RBM25: variants seen among roughly 807,000 people sequenced by gnomAD.
RBM25 encodes RNA-binding protein 25.
A neutral mutation model predicts 120.7 loss-of-function variants in RBM25; 19 were observed. The observed-to-expected ratio is 0.16, with a 90% confidence interval of 0.11 to 0.23. The LOEUF is 0.23. RBM25 is among the 10% of genes least tolerant of loss of function. The probability of loss-of-function intolerance (pLI) is 1.00; values close to 1 mark genes in which losing one functional copy is unlikely to be tolerated. For synonymous variants in RBM25, 390 were observed against 326.7 expected (o/e 1.19, Z -2.09); for missense variants, 605 against 1,041.5 (o/e 0.58, Z 5.77).
chr14:73,091,746 G>A (rs1895818350), intron 6 of RBM25, among the ~76,000 whole-genome samples: 1 of 151,964 alleles, frequency 6.6e-6, no homozygotes, highest in Non-Finnish European at 1.5e-5. Flanking sequence ...ATGTGGTGGT[G>A]CACACCTGTA....
intron 4 of RBM25, among the ~76,000 whole-genome samples, chr14:73,078,425 A>G (rs1895476366): frequency 6.6e-6 from 1 of 152,180 alleles, no homozygotes; most frequent in Non-Finnish European, 1.5e-5. Flanking sequence ...TAGGAGTTGA[A>G]GGCTGCAGTG....
In RBM25 at chr14:73,103,571, CT is replaced by C. The variant is rs927331430; in HGVS notation, c.1154+97del. ...ACCATTTGCATTCATGGAATGAGAA[CT>C]TTTGTGTGTGTGTGAGACATTCTCA... On this transcript the variant is annotated intron_variant, in intron 10 of 18. Transcript: ENST00000261973. 8.1e-6 allele frequency: 12 copies of C among 1,483,920 alleles called. No individual in the cohort carries two copies. In the African/African-American group the frequency reaches 1.7e-4, roughly 21 times the overall value. The allele number at this position is 1,483,920 out of a possible 1,614,324, so 91.9% of individuals were successfully genotyped here. A position where few individuals can be genotyped will look rare whatever the true frequency, so the allele number is the denominator to read the frequency against.
intron 18 of RBM25, among the ~76,000 whole-genome samples, chr14:73,114,709 C>T (rs1896386550): frequency 6.6e-6 from 1 of 152,156 alleles, no homozygotes; most frequent in Non-Finnish European, 1.5e-5. Flanking sequence ...TCCTGGCCAG[C>T]ATGGTGAAAC....
Position 73,085,475 on chromosome 14 carries a change from G to A in RBM25, c.382+1924G>A, listed in dbSNP as rs954327063. ...TGTTGTTCTTGAGATGGAGTTTTTCGCTCTTGTTGCCCAGACTGGAGTGCG... is the reference window on the plus strand; with the variant it reads ...TGTTGTTCTTGAGATGGAGTTTTTCACTCTTGTTGCCCAGACTGGAGTGCG... On this transcript the variant is annotated intron_variant, in intron 5 of 18. Coordinates refer to ENST00000261973, the MANE Select transcript of RBM25 (RefSeq NM_021239.3). Among the ~76,000 whole-genome samples the A allele has an allele frequency of 3.7e-4, 55 of 148,198 alleles. 4 individuals are homozygous for A. The highest frequency in any genetic ancestry group is 4.8e-4 in the Admixed American group (7 of 14,610).
chr14:73,107,876 T>A lies in RBM25; in HGVS notation c.1518T>A (p.Asp506Glu). The A allele has an allele frequency of 6.2e-7, 1 of 1,601,662 alleles. No homozygotes were observed. The highest frequency in any genetic ancestry group is 1.1e-5 in the South Asian group (1 of 89,226). ...LKEFLEDYDD[D>E]RDDPKYYRGS... ...AATTCTTAGAAGACTATGATGATGA[T>A]AGAGATGACCCCAAATATTACAGGT... Residue 506 changes from aspartate to glutamate, a missense_variant, in exon 13 of 19, where the codon GAT becomes GAA. Asp to Glu is a conservative substitution (Grantham distance 45). This residue lies in a region of RBM25 where 465 missense variants were observed against 741.6 expected (regional missense o/e 0.63). Coordinates refer to ENST00000261973, the MANE Select transcript of RBM25 (RefSeq NM_021239.3).
At chr14:73,105,170 C>T (rs1896157610) in intron 10 of RBM25, among the ~76,000 whole-genome samples, 1 of 131,626 alleles carries the variant, frequency 7.6e-6, no homozygotes, top group Admixed American at 8.4e-5. Flanking sequence ...TGCAGTGATA[C>T]AGTCATAGGT....
At chr14:73,098,951 G>A (rs140871578) in intron 7 of RBM25, among the ~76,000 whole-genome samples, 155 of 152,298 alleles carry the variant, frequency 1.0e-3, no homozygotes, top group Non-Finnish European at 1.7e-3. Context: ...ATGGTAATTG[G>A]TAGGGTCAGT....
chr14:73,106,595 CTGT>C lies in RBM25; in HGVS notation c.1467+315_1467+317del, dbSNP rs1190018677. On this transcript the variant is annotated intron_variant, in intron 12 of 18. Transcript: ENST00000261973. ...TCTGCATATTTTTAAAATTGTTGAA[CTGT>C]TGTTATTAGATATAATAGTTGCATT... is the stretch of plus-strand genomic sequence containing the variant. Among the ~76,000 whole-genome samples the C allele has an allele frequency of 2.0e-5, 3 of 151,958 alleles. No individual in the cohort carries two copies. In the South Asian group the frequency reaches 6.2e-4, roughly 32 times the overall value.
At chr14:73,088,530 A>G (rs1336034995) in intron 6 of RBM25, 1 of 387,822 alleles carries the variant, frequency 2.6e-6, no homozygotes, top group Non-Finnish European at 5.1e-6. Flanking sequence ...CCTCTCTTTT[A>G]GAAGTACACC....
At chr14:73,095,281 C>T (rs113470968) in intron 6 of RBM25, among the ~76,000 whole-genome samples, 1,818 of 152,226 alleles carry the variant, frequency 0.012, 34 homozygotes, top group African/African-American at 0.042. Context: ...TTTATTCCGT[C>T]TAAGTGCAGC....
chr14:73,109,573 C>T (rs1198495656), intron 14 of RBM25, 81 bp downstream of exon 14: 3 of 1,351,694 alleles, frequency 2.2e-6, no homozygotes, highest in African/African-American at 2.9e-5. Context: ...GCGGGCGGAT[C>T]ACGAGGTCGG....
In RBM25 at chr14:73,111,781, G is replaced by A; in HGVS notation, c.2271G>A (p.Leu757=). The part of the protein sequence containing the change: ...TAKPELFAYP[L]DWSIVDSILM... The stretch of plus-strand genomic sequence containing the variant: ...AACCTGAGCTCTTCGCTTATCCCCT[G>A]GATTGGTCTATTGTGGATTCTGTGA... The change falls in exon 16 of 19, where the codon CTG becomes CTA. Residue 757 remains leucine, a synonymous_variant. Coordinates refer to ENST00000261973, the MANE Select transcript of RBM25 (RefSeq NM_021239.3). 1 of 1,608,310 alleles carries A rather than the reference G, an allele frequency of 6.2e-7. No homozygotes were observed. Among genetic ancestry groups the A allele is most frequent in the Non-Finnish European group, 8.5e-7 (1 of 1,178,348 alleles).
At position 73,110,853 on chromosome 14, in the gene RBM25, G is replaced by A. The variant is rs1223268559; in HGVS notation, c.1715G>A (p.Arg572His). 9 of 1,610,818 alleles carry A rather than the reference G, an allele frequency of 5.6e-6. No homozygotes were observed. The highest frequency in any genetic ancestry group is 4.4e-5 in the South Asian group (4 of 90,608). The change falls in exon 15 of 19, where the codon CGC (arginine) becomes CAC (histidine). Residue 572 changes from arginine to histidine, a missense_variant. Around this residue, in one of 4 missense-constraint regions of RBM25, gnomAD observed 465 missense variants for 741.6 expected, o/e 0.63. Transcript: ENST00000261973. ...LQRMEQEAER[R>H]RQPQIKQEPE... Reference sequence around the variant, plus strand: ...TAGATGGAACAAGAGGCTGAGAGGCGCAGGCAGCCACAAATAAAGCAAGAG... The same window carrying A: ...TAGATGGAACAAGAGGCTGAGAGGCACAGGCAGCCACAAATAAAGCAAGAG...
intron 9 of RBM25, chr14:73,102,961 C>A: frequency 2.7e-6 from 2 of 750,442 alleles, no homozygotes; most frequent in Non-Finnish European, 3.9e-6. Context: ...ACACAATCTC[C>A]CAGCATCCAA....
chr14:73,066,988 C>CCATATT (rs1895152161), intron 1 of RBM25, among the ~76,000 whole-genome samples: 1 of 151,950 alleles, frequency 6.6e-6, no homozygotes, highest in South Asian at 2.1e-4. Flanking sequence ...AAGGGCATAC[C>CCATATT]CATATTCTGG....
chr14:73,087,865 G>T, intron 5 of RBM25, 136 bp from the exon 6 acceptor site: 2 of 764,512 alleles, frequency 2.6e-6, no homozygotes, highest in South Asian at 2.1e-5. Flanking sequence ...AAAGGGAATT[G>T]GTGGACAGGG....
At chr14:73,075,083 C>T (rs1312423546) in intron 2 of RBM25, among the ~76,000 whole-genome samples, 3 of 151,766 alleles carry the variant, frequency 2.0e-5, no homozygotes, top group Admixed American at 6.6e-5. Context: ...GCTAGCACAC[C>T]GCAGCCTTGA....
intron 14 of RBM25, among the ~76,000 whole-genome samples, chr14:73,110,377 G>A (rs1041897420): frequency 1.3e-5 from 2 of 151,572 alleles, no homozygotes; most frequent in African/African-American, 4.8e-5. Context: ...GTAGAGATGG[G>A]GTTTTCCTGT....
chr14:73,110,809 C>A lies in RBM25; in HGVS notation c.1693-22C>A. On this transcript the variant is annotated intron_variant, in intron 14 of 18. Transcript: ENST00000261973. ...TGAATGGTGTAGAGTTGTAGTTAAT[C>A]AGATTATTGTTTGGGTTTTAGATGG... 1.9e-6 allele frequency: 3 copies of A among 1,583,142 alleles called. No homozygotes were observed. The South Asian group carries it at 3.5e-5, about 19-fold the overall frequency.
Sources: allele counts gnomAD v4.1 joint callset (sites outside exome capture counted in the v4.1 genomes callset), GRCh38; gene constraint gnomAD v4.1.1; regional missense constraint gnomAD v4.1.1; transcripts MANE v1.5; gene names NCBI Gene and HGNC (gene_info 2026-07-23, HGNC 2026-07-21).